The following TAFA1 variants were observed in gnomAD, a reference collection of about 807,000 sequenced individuals.
The protein encoded by TAFA1 is chemokine-like protein TAFA-1.
TAFA1 carries 4 observed loss-of-function variants against 18.5 expected under a neutral mutation model. The ratio of observed to expected loss-of-function variants is 0.22; its 90% CI spans 0.11 to 0.49. The LOEUF (loss-of-function observed/expected upper bound fraction) is 0.49. TAFA1 is among the 20% of genes least tolerant of loss of function. TAFA1 has a pLI of 0.98. For synonymous variants in TAFA1, 56 were observed against 55.2 expected (o/e 1.01, Z -0.06); for missense variants, 147 against 169.0 (o/e 0.87, Z 0.72).
intron 2 of TAFA1, among the ~76,000 whole-genome samples, chr3:68,221,131 C>T (rs1178685891): frequency 6.6e-6 from 1 of 152,204 alleles, no homozygotes; most frequent in Non-Finnish European, 1.5e-5. Context: ...TCACCATGGC[C>T]TCCCACTGGT....
At chr3:68,349,762 G>A (rs891180528) in intron 2 of TAFA1, among the ~76,000 whole-genome samples, 2 of 152,088 alleles carry the variant, frequency 1.3e-5, no homozygotes, top group African/African-American at 4.8e-5. Flanking sequence ...AAAGCAAGCA[G>A]GGGATCAGGT....
At chr3:67,992,697 G>A in the TAFA1 span, among the ~76,000 whole-genome samples, 2 of 152,102 alleles carry the variant, frequency 1.3e-5, no homozygotes, top group Non-Finnish European at 2.9e-5. Context: ...AAAACAGAAG[G>A]CAAACCATAG....
At chr3:68,108,226 A>C (rs963441073) in intron 2 of TAFA1, among the ~76,000 whole-genome samples, 1 of 152,146 alleles carries the variant, frequency 6.6e-6, no homozygotes, top group East Asian at 1.9e-4. Context: ...CGTCAAAAAA[A>C]GTAGAAACTT....
rs148308756 is a variant in TAFA1 at position 68,398,653 on chromosome 3, G to A, written c.119-18627G>A. Among the ~76,000 whole-genome samples the A allele has an allele frequency of 1.3e-3, 197 of 152,160 alleles. 3 individuals carry two copies. Among genetic ancestry groups the A allele is most frequent in the African/African-American group, 4.4e-3 (182 of 41,536 alleles). On this transcript the variant is annotated intron_variant, in intron 2 of 4. Coordinates refer to ENST00000478136, the MANE Select transcript of TAFA1 (RefSeq NM_213609.4). Reference sequence around the variant, plus strand: ...TGTGAGGAAGAAAACTTTAACCTTAGGTTGAAATTTATGTATTTTTTCCCT... The same window carrying A: ...TGTGAGGAAGAAAACTTTAACCTTAAGTTGAAATTTATGTATTTTTTCCCT...
At chr3:68,520,707 A>C (rs1330285100) in intron 3 of TAFA1, among the ~76,000 whole-genome samples, 1 of 152,224 alleles carries the variant, frequency 6.6e-6, no homozygotes, top group Non-Finnish European at 1.5e-5. Flanking sequence ...CTGGCATGCT[A>C]TGAGGGACAG....
At chr3:68,299,471 T>G (rs1575758401) in intron 2 of TAFA1, among the ~76,000 whole-genome samples, 2 of 152,166 alleles carry the variant, frequency 1.3e-5, no homozygotes, top group Admixed American at 1.3e-4. Context: ...GGAACTAACG[T>G]TTAAAAGGGA....
chr3:68,244,574 C>T (rs1292036206), intron 2 of TAFA1, among the ~76,000 whole-genome samples: 1 of 152,132 alleles, frequency 6.6e-6, no homozygotes, highest in Non-Finnish European at 1.5e-5. Flanking sequence ...CAGAGTCTTG[C>T]TATTTTGCCC....
At chr3:68,051,390 A>T (rs2064469917) in intron 2 of TAFA1, among the ~76,000 whole-genome samples, 1 of 152,122 alleles carries the variant, frequency 6.6e-6, no homozygotes, top group Non-Finnish European at 1.5e-5. Flanking sequence ...AACCTATTAG[A>T]ACTGCATGGA....
intron 2 of TAFA1, among the ~76,000 whole-genome samples, chr3:68,191,172 T>C (rs560981129): frequency 6.6e-6 from 1 of 152,000 alleles, no homozygotes; most frequent in East Asian, 1.9e-4. Flanking sequence ...TTGTTCTGTC[T>C]TTCCATTTTT....
intron 2 of TAFA1, among the ~76,000 whole-genome samples, chr3:68,294,558 C>T (rs1227218183): frequency 1.3e-5 from 2 of 152,138 alleles, no homozygotes; most frequent in African/African-American, 2.4e-5. Flanking sequence ...ATACTATTTC[C>T]ATTTTTCAAT....
intron 2 of TAFA1, among the ~76,000 whole-genome samples, chr3:68,269,142 T>C (rs552351959): frequency 1.1e-4 from 16 of 152,240 alleles, no homozygotes; most frequent in Middle Eastern, 3.4e-3. Context: ...ATATAGATCA[T>C]TTGAGGGTCT....
chr3:68,435,911 C>T (rs1559669074), intron 3 of TAFA1, among the ~76,000 whole-genome samples: 1 of 152,150 alleles, frequency 6.6e-6, no homozygotes, highest in South Asian at 2.1e-4. Flanking sequence ...ATGTTAGAAT[C>T]ACCTAGGGAG....
At chr3:68,176,910 G>T (rs986567016) in intron 2 of TAFA1, among the ~76,000 whole-genome samples, 1 of 152,006 alleles carries the variant, frequency 6.6e-6, no homozygotes, top group African/African-American at 2.4e-5. Flanking sequence ...GGAGGAATGT[G>T]GGGGGAAATT....
At chr3:68,451,885 A>C (rs1394886834) in intron 3 of TAFA1, among the ~76,000 whole-genome samples, 1 of 152,230 alleles carries the variant, frequency 6.6e-6, no homozygotes, top group East Asian at 1.9e-4. Flanking sequence ...TGATGGCCTA[A>C]CTTAAGTGGG....
At chr3:68,518,400 TTAAA>T (rs2072960911) in intron 3 of TAFA1, among the ~76,000 whole-genome samples, 1 of 152,220 alleles carries the variant, frequency 6.6e-6, no homozygotes, top group African/African-American at 2.4e-5. Flanking sequence ...TTGATTGCAA[TTAAA>T]TAGTGTCCTT....
At chr3:68,518,101 C>T (rs1341922597) in intron 3 of TAFA1, among the ~76,000 whole-genome samples, 1 of 152,208 alleles carries the variant, frequency 6.6e-6, no homozygotes, top group African/African-American at 2.4e-5. Flanking sequence ...CCTACTGATC[C>T]TTTAGCACTC....
chr3:68,157,714 A>G (rs1439399830), intron 2 of TAFA1, among the ~76,000 whole-genome samples: 2 of 152,192 alleles, frequency 1.3e-5, no homozygotes, highest in Non-Finnish European at 2.9e-5. Context: ...GTTTATCTCC[A>G]AATAGGGCTG....
intron 3 of TAFA1, among the ~76,000 whole-genome samples, chr3:68,459,110 C>A (rs904742309): frequency 2.0e-5 from 3 of 152,048 alleles, no homozygotes; most frequent in African/African-American, 7.2e-5. Context: ...CACATTTGCC[C>A]GTCATTGAGT....
chr3:68,417,189 C>A, intron 2 of TAFA1, 91 bp from the exon 3 acceptor site: 1 of 1,017,490 alleles, frequency 9.8e-7, no homozygotes, highest in Non-Finnish European at 1.5e-6. Flanking sequence ...ATTTCAATTA[C>A]TTTCCTCAAC....
Sources: allele counts gnomAD v4.1 joint callset (sites outside exome capture counted in the v4.1 genomes callset), GRCh38; gene constraint gnomAD v4.1.1; transcripts MANE v1.5; gene names NCBI Gene and HGNC (gene_info 2026-07-23, HGNC 2026-07-21).